ATP6V0E2: variants seen among roughly 807,000 people sequenced by gnomAD.
ATP6V0E2 encodes ATPase H+ transporting V0 subunit e2, also known as V-type proton ATPase subunit e 2.
ATP6V0E2 carries 4 observed loss-of-function variants against 11.5 expected under a neutral mutation model. The ratio of observed to expected loss-of-function variants is 0.35; its 90% CI spans 0.17 to 0.80. The LOEUF is 0.80. Among genes scored for constraint, ATP6V0E2 ranks in the 30% least tolerant of loss-of-function variants. The pLI, the probability that ATP6V0E2 is intolerant of heterozygous loss-of-function variation, is 0.53. For missense variants in ATP6V0E2, 93 were observed against 113.5 expected, an observed-to-expected ratio of 0.82 and a Z score of 0.82; for synonymous variants, 52 against 51.0, an observed-to-expected ratio of 1.02 and a Z score of -0.09.
intron 3 of ATP6V0E2, 158 bp downstream of exon 3, chr7:149,878,948 C>T: frequency 7.6e-6 from 1 of 132,238 alleles, no homozygotes; most frequent in Non-Finnish European, 1.2e-5. Flanking sequence ...GAGCCATCCA[C>T]ACTCCGGCAG....
At chr7:149,878,890 C>CTGA in intron 3 of ATP6V0E2, 100 bp downstream of exon 3, 1 of 367,388 alleles carries the variant, frequency 2.7e-6, no homozygotes, top group Admixed American at 6.2e-5. Flanking sequence ...ATGCGGCCAA[C>CTGA]CCAGCAGATG....
chr7:149,878,232 G>A (rs974527704), intron 2 of ATP6V0E2, among the ~76,000 whole-genome samples: 5 of 152,300 alleles, frequency 3.3e-5, no homozygotes, highest in East Asian at 1.9e-4. Flanking sequence ...CCCCTGACCC[G>A]TCAGCTCCTC....
At chr7:149,875,506 C>T (rs1803076445) in intron 1 of ATP6V0E2, 92 bp from the exon 2 acceptor site, 11 of 1,298,784 alleles carry the variant, frequency 8.5e-6, no homozygotes, top group Non-Finnish European at 1.1e-5. Context: ...TGGAAAAGAG[C>T]TCACACCAGG....
At chr7:149,873,963 A>C (rs1441619725), upstream of ATP6V0E2, 8 of 1,545,042 alleles carry the variant, frequency 5.2e-6, no homozygotes, top group East Asian at 9.8e-5. Context: ...CGGGTGCTCG[A>C]CTCCTGTTGC....
upstream of ATP6V0E2, chr7:149,873,666 T>G: frequency 2.6e-5 from 10 of 390,494 alleles, no homozygotes; most frequent in East Asian, 1.2e-4. Flanking sequence ...GCGCGGCGCG[T>G]GAAGGGCAGG....
At chr7:149,879,124 T>G (rs1442010299) in intron 3 of ATP6V0E2, 15 of 1,398,336 alleles carry the variant, frequency 1.1e-5, no homozygotes, top group Non-Finnish European at 1.4e-5. Context: ...AGGGATGAAA[T>G]GGGAACCATG....
At chr7:149,877,032 C>T (rs530207367) in intron 2 of ATP6V0E2, among the ~76,000 whole-genome samples, 3 of 152,238 alleles carry the variant, frequency 2.0e-5, no homozygotes, top group African/African-American at 7.2e-5. Context: ...TTCCTATTAA[C>T]CAATTCTCTT....
chr7:149,879,719 CG>C lies in ATP6V0E2; in HGVS notation c.*409del. ...CATGGAGAGGGTGCTCCGGCCCAGG[CG>C]GGGGAGTCAGTGCCCAGTCAGCAGC... On this transcript the variant is annotated 3_prime_UTR_variant, in exon 4 of 4. Transcript: ENST00000425642. The C allele has an allele frequency of 3.8e-6, 5 of 1,326,366 alleles. No individual in the cohort carries two copies. The highest frequency in any genetic ancestry group is 3.6e-5 in the Admixed American group (1 of 27,734). 82.2% of individuals were successfully genotyped at this position (1,326,366 alleles called of 1,614,324 possible).
intron 2 of ATP6V0E2, among the ~76,000 whole-genome samples, chr7:149,878,289 G>A (rs913362564): frequency 1.3e-5 from 2 of 152,184 alleles, no homozygotes; most frequent in Non-Finnish European, 1.5e-5. Context: ...TGATTCTGAC[G>A]TGCTGCCCGC....
At position 149,879,303 on chromosome 7, in the gene ATP6V0E2, G is replaced by C. The variant is rs367905137; in HGVS notation, c.*20-32G>C. On this transcript the variant is annotated intron_variant, in intron 3 of 3. Coordinates refer to ENST00000425642, the MANE Select transcript of ATP6V0E2 (RefSeq NM_145230.4). ...GGGGCAGTGGAGTCTCCACTGCAAG[G>C]CCGGGACCCTTCCATGTGATGTGCT... is the stretch of plus-strand genomic sequence containing the variant. 2.0e-6 allele frequency: 3 copies of C among 1,481,576 alleles called. No individual in the cohort carries two copies. In the African/African-American group the frequency reaches 4.2e-5, roughly 21 times the overall value. 91.8% of individuals were successfully genotyped at this position (1,481,576 alleles called of 1,614,324 possible).
At position 149,874,049 on chromosome 7, in the gene ATP6V0E2, G is replaced by A. The variant is rs777384953; in HGVS notation, c.-17G>A. 9.7e-6 allele frequency: 15 copies of A among 1,549,638 alleles called. No individual in the cohort carries two copies. The African/African-American group carries it at 1.6e-4, about 17-fold the overall frequency. ...CTGCTCGGCCCTGCATCCTGCCTGG[G>A]CATCCTGCGCCCGGCCATGACGGCG... is the stretch of plus-strand genomic sequence containing the variant. On this transcript the variant is annotated 5_prime_UTR_variant, in exon 1 of 4. Coordinates refer to ENST00000425642, the MANE Select transcript of ATP6V0E2 (RefSeq NM_145230.4).
rs137855446 is a variant in ATP6V0E2, at chr7:149,876,474, T to C, written c.152+829T>C. 1.9e-3 allele frequency among the ~76,000 whole-genome samples: 293 copies of C among 152,176 alleles called. 2 individuals are homozygous for C. Among genetic ancestry groups the C allele is most frequent in the African/African-American group, 6.8e-3 (283 of 41,512 alleles). On this transcript the variant is annotated intron_variant, in intron 2 of 3. Coordinates refer to ENST00000425642, the MANE Select transcript of ATP6V0E2 (RefSeq NM_145230.4). ...CCAAGGGACTTGAATACCTGGAGAGTGTGAGGAAATCAGTTTGCAGATCCT... is the reference window on the plus strand; with the variant it reads ...CCAAGGGACTTGAATACCTGGAGAGCGTGAGGAAATCAGTTTGCAGATCCT...
chr7:149,873,873 CTCCTAGGCAGG>C (rs1200555701), upstream of ATP6V0E2: 5 of 1,476,578 alleles, frequency 3.4e-6, no homozygotes, highest in Admixed American at 1.2e-4. Flanking sequence ...AGCGAGTGGG[CTCCTAGGCAGG>C]TCCTGAGTGA....
intron 2 of ATP6V0E2, among the ~76,000 whole-genome samples, chr7:149,878,395 T>A (rs997545988): frequency 6.6e-6 from 1 of 152,250 alleles, no homozygotes; most frequent in South Asian, 2.1e-4. Context: ...AAAGCGCCCC[T>A]GAGGCTGCCT....
intron 1 of ATP6V0E2, 53 bp from the exon 2 acceptor site, chr7:149,875,545 C>G: frequency 6.3e-7 from 1 of 1,588,550 alleles, no homozygotes; most frequent in Non-Finnish European, 8.6e-7. Flanking sequence ...CCTGGCCAGG[C>G]CTTGTGAGGT....
intron 2 of ATP6V0E2, among the ~76,000 whole-genome samples, chr7:149,877,915 C>A (rs10807974): frequency 0.37 from 56,919 of 152,164 alleles, 11,176 homozygotes; most frequent in African/African-American, 0.49. Flanking sequence ...GTAACAATTT[C>A]TGATGGCTTC....
rs577383682 is a variant in ATP6V0E2 at position 149,876,360 on chromosome 7, A to G, written c.152+715A>G. Among the ~76,000 whole-genome samples the G allele has an allele frequency of 5.4e-3, 815 of 152,156 alleles. 4 individuals are homozygous for G. Among genetic ancestry groups the G allele is most frequent in the Non-Finnish European group, 9.6e-3 (650 of 67,992 alleles). Reference sequence around the variant, plus strand: ...CACTGCACTCCAGCCTGGGCAACAGAGTGAGACTCCGACTCTAAAAAAAGA... The same window carrying G: ...CACTGCACTCCAGCCTGGGCAACAGGGTGAGACTCCGACTCTAAAAAAAGA... On this transcript the variant is annotated intron_variant, in intron 2 of 3. Transcript: ENST00000425642.
chr7:149,874,025 T>C lies in ATP6V0E2; in HGVS notation c.-41T>C. 9 of 1,548,454 alleles carry C rather than the reference T, an allele frequency of 5.8e-6. No homozygotes were observed. The highest frequency in any genetic ancestry group is 7.9e-6 in the Non-Finnish European group (9 of 1,146,172). On this transcript the variant is annotated 5_prime_UTR_variant, in exon 1 of 4. Coordinates refer to ENST00000425642, the MANE Select transcript of ATP6V0E2 (RefSeq NM_145230.4). ...GGACCCGCGCACCTGCAGCGCCCGCTGCTCGGCCCTGCATCCTGCCTGGGC... is the reference window on the plus strand; with the variant it reads ...GGACCCGCGCACCTGCAGCGCCCGCCGCTCGGCCCTGCATCCTGCCTGGGC...
intron 3 of ATP6V0E2, chr7:149,879,092 T>C: frequency 7.2e-7 from 1 of 1,391,976 alleles, no homozygotes. Context: ...ACTCCCTTCC[T>C]GCCTGGCCTG....
Sources: allele counts gnomAD v4.1 joint callset (sites outside exome capture counted in the v4.1 genomes callset), GRCh38; gene constraint gnomAD v4.1.1; transcripts MANE v1.5; gene names NCBI Gene and HGNC (gene_info 2026-07-23, HGNC 2026-07-21).